Variants in FOXP2 observed in about 807,000 individuals in gnomAD.
FOXP2 encodes the protein forkhead box P2, also known as forkhead box protein P2.
In FOXP2, 12 loss-of-function variants were observed where a neutral mutation model predicts 115.8. The ratio of observed to expected loss-of-function variants is 0.10; its 90% CI spans 0.07 to 0.17. The LOEUF (loss-of-function observed/expected upper bound fraction) is 0.17, where lower values mean the gene tolerates loss of function less well. Among genes scored for constraint, FOXP2 ranks in the 10% least tolerant of loss-of-function variants. FOXP2 has a pLI of 1.00. For synonymous variants in FOXP2, 328 were observed against 297.7 expected, an observed-to-expected ratio of 1.10 and a Z score of -1.05; for missense variants, 629 against 843.5, an observed-to-expected ratio of 0.75 and a Z score of 3.15.
intron 1 of FOXP2, among the ~76,000 whole-genome samples, chr7:114,255,886 C>T (rs560181186): frequency 2.2e-4 from 34 of 152,274 alleles, no homozygotes; most frequent in Non-Finnish European, 1.5e-4. Flanking sequence ...GCATTGCTCA[C>T]GCTAGGAGCT....
intron 1 of FOXP2, among the ~76,000 whole-genome samples, chr7:114,216,573 T>C (rs897974203): frequency 6.6e-6 from 1 of 152,154 alleles, no homozygotes; most frequent in African/African-American, 2.4e-5. Flanking sequence ...TGGTTTCTAG[T>C]AGAGAATTTT....
chr7:114,200,007 G>A (rs1035292107), intron 1 of FOXP2, among the ~76,000 whole-genome samples: 1 of 152,030 alleles, frequency 6.6e-6, no homozygotes, highest in Non-Finnish European at 1.5e-5. Flanking sequence ...ATCCTGCCTT[G>A]TATTATAATT....
intron 1 of FOXP2, among the ~76,000 whole-genome samples, chr7:114,180,522 T>C (rs543813841): frequency 6.6e-6 from 1 of 152,124 alleles, no homozygotes; most frequent in East Asian, 1.9e-4. Flanking sequence ...AGTTGCCTCC[T>C]TGATATCCCT....
At chr7:114,540,007 ATAAAG>A (rs1415760243) in intron 3 of FOXP2, among the ~76,000 whole-genome samples, 4 of 151,734 alleles carry the variant, frequency 2.6e-5, no homozygotes, top group Non-Finnish European at 4.4e-5. Context: ...ATTATATTAT[ATAAAG>A]TACTTACCGT....
chr7:114,550,242 T>G (rs1004855306), intron 3 of FOXP2, among the ~76,000 whole-genome samples: 3 of 150,676 alleles, frequency 2.0e-5, no homozygotes, highest in Admixed American at 1.3e-4. Flanking sequence ...CTCAGCCTCC[T>G]GAGTAGCTGG....
chr7:114,226,549 A>G (rs1335625257), intron 1 of FOXP2, among the ~76,000 whole-genome samples: 2 of 152,252 alleles, frequency 1.3e-5, no homozygotes, highest in East Asian at 1.9e-4. Flanking sequence ...TTAACATGCT[A>G]TAGCAAGAAG....
intron 3 of FOXP2, among the ~76,000 whole-genome samples, chr7:114,601,261 T>G (rs1803011846): frequency 6.6e-6 from 1 of 152,104 alleles, no homozygotes; most frequent in Non-Finnish European, 1.5e-5. Flanking sequence ...CCACCACACT[T>G]GGCCTCTTCT....
intron 2 of FOXP2, among the ~76,000 whole-genome samples, chr7:114,295,263 C>T (rs1796714812): frequency 6.6e-6 from 1 of 152,116 alleles, no homozygotes; most frequent in Non-Finnish European, 1.5e-5. Context: ...CAAGTATGAA[C>T]CAGCATCACT....
At chr7:114,669,964 CA>C (rs1404809077) in intron 16 of FOXP2, 1 of 151,992 alleles carries the variant, frequency 6.6e-6, no homozygotes, top group East Asian at 1.9e-4. Context: ...GTCTAGAGAT[CA>C]AAATAAATAT....
At chr7:114,532,761 A>T (rs1395269330) in intron 2 of FOXP2, among the ~76,000 whole-genome samples, 1 of 151,778 alleles carries the variant, frequency 6.6e-6, no homozygotes, top group Non-Finnish European at 1.5e-5. Flanking sequence ...CATCAACTCG[A>T]AAAGAAAAAA....
chr7:114,359,537 A>G (rs907488598), intron 2 of FOXP2, among the ~76,000 whole-genome samples: 5 of 152,218 alleles, frequency 3.3e-5, no homozygotes, highest in African/African-American at 9.6e-5. Context: ...ACTCAACACC[A>G]GCCTGTGAAA....
chr7:114,363,865 TATC>T (rs758763356), intron 2 of FOXP2, among the ~76,000 whole-genome samples: 9 of 152,240 alleles, frequency 5.9e-5, no homozygotes, highest in East Asian at 1.9e-4. Context: ...GGAGCAAACT[TATC>T]ATTGTTAAGC....
chr7:114,419,429 G>A (rs1328365028), intron 1 of FOXP2, among the ~76,000 whole-genome samples: 1 of 151,782 alleles, frequency 6.6e-6, no homozygotes, highest in African/African-American at 2.4e-5. Flanking sequence ...TGTTAATACA[G>A]GTGTTTTTGG....
chr7:114,287,267 C>G (rs1441526040), intron 1 of FOXP2, among the ~76,000 whole-genome samples: 1 of 151,600 alleles, frequency 6.6e-6, no homozygotes, highest in Non-Finnish European at 1.5e-5. Flanking sequence ...AAAAAAAAAA[C>G]TGCAAAAAGT....
intron 16 of FOXP2, chr7:114,668,369 TC>T (rs1807291958): frequency 6.6e-6 from 1 of 152,120 alleles, no homozygotes; most frequent in Non-Finnish European, 1.5e-5. Context: ...ACCCTTTTCT[TC>T]CACTCCAGTT....
chr7:114,254,511 TA>T (rs1207949314), intron 1 of FOXP2, among the ~76,000 whole-genome samples: 1 of 152,206 alleles, frequency 6.6e-6, no homozygotes, highest in Admixed American at 6.5e-5. Flanking sequence ...CTTTTTTCTC[TA>T]AACTTCTCTT....
At position 114,644,696 on chromosome 7, in the gene FOXP2, A is replaced by T. The variant is rs757270050; in HGVS notation, c.1001A>T (p.Glu334Val). The change falls in exon 8 of 17, where the codon GAG (glutamate) becomes GTG (valine). Residue 334 changes from glutamate to valine, a missense_variant. Physicochemically the swap from Glu to Val is moderately radical, Grantham distance 121 (BLOSUM62 -2). Transcript: ENST00000350908. ...TTCTTTTGCTACAGCTCGTCACATG[A>T]GGAGACTGGGGCCTCTCACACTCTC... ...LSARRDSSSH[E>V]ETGASHTLYG... The T allele has an allele frequency of 6.2e-7, 1 of 1,613,768 alleles. No homozygotes were observed. Among genetic ancestry groups the T allele is most frequent in the Non-Finnish European group, 8.5e-7 (1 of 1,179,700 alleles).
chr7:114,441,009 G>A (rs1318060274), intron 2 of FOXP2, among the ~76,000 whole-genome samples: 2 of 152,140 alleles, frequency 1.3e-5, no homozygotes, highest in Admixed American at 6.5e-5. Context: ...ACAGCAAGAT[G>A]CACAGGCTTG....
At chr7:114,469,532 C>T (rs1303042945) in intron 2 of FOXP2, among the ~76,000 whole-genome samples, 4 of 152,056 alleles carry the variant, frequency 2.6e-5, no homozygotes, top group Non-Finnish European at 5.9e-5. Flanking sequence ...GTTGGTATGC[C>T]TAGAATTATA....
Sources: allele counts gnomAD v4.1 joint callset (sites outside exome capture counted in the v4.1 genomes callset), GRCh38; gene constraint gnomAD v4.1.1; transcripts MANE v1.5; gene names NCBI Gene and HGNC (gene_info 2026-07-23, HGNC 2026-07-21).